The following SNTB1 variants were observed in gnomAD, a reference collection of about 807,000 sequenced individuals.
SNTB1 encodes syntrophin beta 1.
In SNTB1, 36 loss-of-function variants were observed where a neutral mutation model predicts 48.9. That is an observed-to-expected ratio of 0.74 (90% CI 0.56 to 0.97). The LOEUF (loss-of-function observed/expected upper bound fraction) is 0.97. Ranked by LOEUF, SNTB1 falls within the 50% of genes least tolerant of loss-of-function variation. SNTB1 has a pLI of 0.00. For missense variants in SNTB1, 786 were observed against 703.4 expected (o/e 1.12, Z -1.33); for synonymous variants, 299 against 294.6 (o/e 1.01, Z -0.15).
intron 1 of SNTB1, among the ~76,000 whole-genome samples, chr8:120,707,929 C>T (rs11990894): frequency 0.1 from 15,928 of 151,970 alleles, 841 homozygotes; most frequent in African/African-American, 0.14. Flanking sequence ...TACTCTGTGA[C>T]AATTACATCA....
intron 2 of SNTB1, among the ~76,000 whole-genome samples, chr8:120,670,601 T>C (rs1224588752): frequency 6.6e-6 from 1 of 152,234 alleles, no homozygotes; most frequent in Non-Finnish European, 1.5e-5. Context: ...ATTTACTTAG[T>C]ATTTTGTAAT....
intron 3 of SNTB1, among the ~76,000 whole-genome samples, chr8:120,631,181 G>A (rs1206934177): frequency 6.6e-6 from 1 of 152,168 alleles, no homozygotes; most frequent in Non-Finnish European, 1.5e-5. Flanking sequence ...AGTGGGGAGT[G>A]ATAGAGACGT....
intron 4 of SNTB1, among the ~76,000 whole-genome samples, chr8:120,563,194 C>A (rs1235497447): frequency 6.6e-6 from 1 of 152,022 alleles, no homozygotes; most frequent in Non-Finnish European, 1.5e-5. Flanking sequence ...AATAATGTGA[C>A]CTTAATCCTC....
chr8:120,763,068 C>T (rs1737002178), intron 1 of SNTB1, among the ~76,000 whole-genome samples: 1 of 152,090 alleles, frequency 6.6e-6, no homozygotes, highest in Non-Finnish European at 1.5e-5. Flanking sequence ...CTCAGTCTCT[C>T]ACCACTATAC....
At chr8:120,586,569 G>C (rs1056909417) in intron 3 of SNTB1, among the ~76,000 whole-genome samples, 1 of 152,110 alleles carries the variant, frequency 6.6e-6, no homozygotes, top group Non-Finnish European at 1.5e-5. Flanking sequence ...AAGGACACTT[G>C]TGATGACACT....
rs1304960951 is a variant in SNTB1, at chr8:120,584,461, AG to A, written c.997-9237del. On this transcript the variant is annotated intron_variant, in intron 3 of 6. Coordinates refer to ENST00000517992, the MANE Select transcript of SNTB1 (RefSeq NM_021021.4). ...CTCAAAAAAAAAAAAAAAAAAAAAA[AG>A]TGTAGTAATTTAGAAGGAGCAGTTA... Among the ~76,000 whole-genome samples, 619 of 100,326 alleles carry A rather than the reference AG, an allele frequency of 6.2e-3. 13 individuals carry two copies. The highest frequency in any genetic ancestry group is 0.017 in the Middle Eastern group (3 of 172). The allele number at this position is 100,326 out of a possible 152,430, so 65.8% of individuals were successfully genotyped here.
intron 2 of SNTB1, among the ~76,000 whole-genome samples, chr8:120,682,513 A>G (rs551354992): frequency 9.2e-5 from 14 of 152,286 alleles, no homozygotes; most frequent in Admixed American, 3.3e-4. Flanking sequence ...CTCCTTCCCA[A>G]CCACCATTAA....
intron 3 of SNTB1, 30 bp from the exon 4 acceptor site, chr8:120,575,255 G>A: frequency 6.2e-7 from 1 of 1,613,876 alleles, no homozygotes; most frequent in Non-Finnish European, 8.5e-7. Flanking sequence ...ACTGTCAAAT[G>A]ACAGCCTGAG....
chr8:120,690,714 T>C (rs1818110301), intron 2 of SNTB1, among the ~76,000 whole-genome samples: 1 of 152,266 alleles, frequency 6.6e-6, no homozygotes, highest in Non-Finnish European at 1.5e-5. Context: ...ATGTGTCTCT[T>C]GCATTCAGCA....
chr8:120,655,085 G>A (rs556042124), intron 2 of SNTB1: 22 of 380,430 alleles, frequency 5.8e-5, no homozygotes, highest in East Asian at 3.7e-4. Context: ...GTTAACTCTA[G>A]ATCATGACAT....
rs780225666 is a variant in SNTB1 at position 120,755,512 on chromosome 8, T to C, written c.571+55761A>G. On this transcript the variant is annotated intron_variant, in intron 1 of 6. Coordinates refer to ENST00000517992, the MANE Select transcript of SNTB1 (RefSeq NM_021021.4). ...TCTGGGACCACAAACTAAATATTTA[T>C]GTGAAGTACATTTGAGTTCAATGTG... Among the ~76,000 whole-genome samples the C allele has an allele frequency of 1.2e-4, 18 of 152,204 alleles. No homozygotes were observed. The South Asian group carries it at 3.7e-3, about 32-fold the overall frequency.
chr8:120,650,341 A>G (rs1439465357), intron 2 of SNTB1, among the ~76,000 whole-genome samples: 1 of 152,194 alleles, frequency 6.6e-6, no homozygotes, highest in Non-Finnish European at 1.5e-5. Flanking sequence ...ACCACTAAAT[A>G]TGATGGTGGG....
intron 2 of SNTB1, among the ~76,000 whole-genome samples, chr8:120,646,983 C>A (rs961281078): frequency 6.6e-6 from 1 of 151,608 alleles, no homozygotes; most frequent in African/African-American, 2.4e-5. Flanking sequence ...CTGATGGTAG[C>A]TTGTATTTCT....
At chr8:120,539,088 A>G (rs763671602) in intron 6 of SNTB1, 119 bp from the exon 7 acceptor site, 2 of 684,610 alleles carry the variant, frequency 2.9e-6, no homozygotes, top group African/African-American at 1.8e-5. Flanking sequence ...GACTGGAGCA[A>G]TTATGCTCTA....
At chr8:120,649,884 A>T (rs1423531845) in intron 2 of SNTB1, among the ~76,000 whole-genome samples, 1 of 152,072 alleles carries the variant, frequency 6.6e-6, no homozygotes, top group Non-Finnish European at 1.5e-5. Flanking sequence ...CCATTTTTTA[A>T]GCCCCTCGGA....
chr8:120,561,053 C>T (rs576389483), intron 4 of SNTB1, among the ~76,000 whole-genome samples: 18 of 151,918 alleles, frequency 1.2e-4, no homozygotes, highest in Admixed American at 4.6e-4. Context: ...AGAGGCTGGG[C>T]GCAGTGGCTC....
At chr8:120,789,037 AGT>A (rs1397674935) in intron 1 of SNTB1, among the ~76,000 whole-genome samples, 2 of 152,104 alleles carry the variant, frequency 1.3e-5, no homozygotes, top group African/African-American at 4.8e-5. Context: ...AACAGTATCA[AGT>A]ATCTTCTCAG....
chr8:120,586,689 G>T (rs1213419812), intron 3 of SNTB1, among the ~76,000 whole-genome samples: 1 of 152,176 alleles, frequency 6.6e-6, no homozygotes, highest in South Asian at 2.1e-4. Flanking sequence ...GGTTCTGGGG[G>T]TTAGGATGTG....
chr8:120,617,166 A>T (rs1355268928), intron 3 of SNTB1, among the ~76,000 whole-genome samples: 1 of 152,228 alleles, frequency 6.6e-6, no homozygotes, highest in African/African-American at 2.4e-5. Context: ...GGCCAAGACA[A>T]TTCTTCTTCT....
Sources: gnomAD v4.1 joint callset for allele counts (sites outside exome capture counted in the v4.1 genomes callset) on GRCh38, gnomAD v4.1.1 for gene constraint, MANE v1.5 for transcripts, NCBI Gene and HGNC (gene_info 2026-07-23, HGNC 2026-07-21) for gene names.